MYOF: variants seen among roughly 807,000 people sequenced by gnomAD.
MYOF encodes the protein fer-1-like 3, myoferlin.
A neutral mutation model predicts 284.2 loss-of-function variants in MYOF; 244 were observed. The ratio of observed to expected loss-of-function variants is 0.86; its 90% CI spans 0.77 to 0.95. MYOF has a LOEUF of 0.95. MYOF is among the 40% of genes least tolerant of loss of function. The pLI is 0.00. For synonymous variants in MYOF, 904 were observed against 919.7 expected, an observed-to-expected ratio of 0.98 and a Z score of 0.31; for missense variants, 2,496 against 2,560.6, an observed-to-expected ratio of 0.97 and a Z score of 0.54.
chr10:93,344,625 T>C (rs1354061154), intron 37 of MYOF, among the ~76,000 whole-genome samples: 1 of 150,138 alleles, frequency 6.7e-6, no homozygotes, highest in Non-Finnish European at 1.5e-5. Context: ...GAGAAATATC[T>C]AATGTAGATA....
intron 9 of MYOF, 117 bp downstream of exon 9, chr10:93,403,906 T>G: frequency 9.1e-7 from 1 of 1,101,806 alleles, no homozygotes; most frequent in East Asian, 2.4e-5. Context: ...AGTGTCATCA[T>G]GCTGAACCCT....
At position 93,416,906 on chromosome 10, in the gene MYOF, G is replaced by A. The variant is rs994553782; in HGVS notation, c.434-7167C>T. Among the ~76,000 whole-genome samples, 3 of 152,106 alleles carry A rather than the reference G, an allele frequency of 2.0e-5. No individual in the cohort carries two copies. In the East Asian group the frequency reaches 5.8e-4, roughly 29 times the overall value. ...AGCCACTGCACCCGGCCATGACCAG[G>A]CCATTTTAATAGAATCATAGAACTT... On this transcript the variant is annotated intron_variant, in intron 5 of 53. Transcript: ENST00000359263.
intron 15 of MYOF, 141 bp from the exon 16 acceptor site, chr10:93,396,365 G>A (rs913563742): frequency 5.3e-6 from 3 of 567,762 alleles, no homozygotes; most frequent in Non-Finnish European, 8.8e-6. Flanking sequence ...CGTCTAGTGG[G>A]CCTCAAACTT....
At position 93,364,012 on chromosome 10, in the gene MYOF, G is replaced by T. The variant is rs751982838; in HGVS notation, c.2817C>A (p.Ser939Arg). 9.9e-6 allele frequency: 16 copies of T among 1,614,180 alleles called. No individual in the cohort carries two copies. The Middle Eastern group carries it at 4.9e-4, about 50-fold the overall frequency. Reference sequence around the variant, plus strand: ...GCTTCCAGTCGCCCCCGGGGTAGCGGCTCTCGTTCTGATAGACTTCATCAG... The same window carrying T: ...GCTTCCAGTCGCCCCCGGGGTAGCGTCTCTCGTTCTGATAGACTTCATCAG... ...EFTDEVYQNESRYPGGDWKPA... is the reference protein window; with the variant it reads ...EFTDEVYQNERRYPGGDWKPA... Residue 939 changes from serine (S) to arginine (R), a missense_variant, in exon 27 of 54, where the codon AGC (serine) becomes AGA (arginine). By Grantham distance (110) the Ser-to-Arg change is moderately radical. Coordinates refer to ENST00000359263, the MANE Select transcript of MYOF (RefSeq NM_013451.4).
intron 1 of MYOF, among the ~76,000 whole-genome samples, chr10:93,480,572 T>C (rs1302093825): frequency 6.8e-6 from 1 of 147,312 alleles, no homozygotes; most frequent in Non-Finnish European, 1.5e-5. Context: ...TCCTCCTGGG[T>C]TGAAGCAATC....
intron 52 of MYOF, 139 bp from the exon 53 acceptor site, chr10:93,310,306 A>G (rs1342367872): frequency 8.4e-7 from 1 of 1,192,524 alleles, no homozygotes; most frequent in African/African-American, 1.5e-5. Flanking sequence ...GTTGACTGAG[A>G]AAGGCTCTTT....
In MYOF at chr10:93,332,649, C is replaced by T. The variant is rs528987266; in HGVS notation, c.4811+572G>A. ...TCACAAGGTCAGGAGATTGAGACCA[C>T]CCTGGCTAACACGGTGAAACCCCGT... is the stretch of plus-strand genomic sequence containing the variant. On this transcript the variant is annotated intron_variant, in intron 43 of 53. Transcript: ENST00000359263. Among the ~76,000 whole-genome samples, 213 of 151,824 alleles carry T rather than the reference C, an allele frequency of 1.4e-3. 1 individual carries two copies. Among genetic ancestry groups the T allele is most frequent in the Middle Eastern group, 6.8e-3 (2 of 294 alleles).
At chr10:93,384,260 A>C (rs531684259) in intron 19 of MYOF, among the ~76,000 whole-genome samples, 26 of 152,326 alleles carry the variant, frequency 1.7e-4, no homozygotes, top group African/African-American at 6.0e-4. Context: ...GGGCACAAAG[A>C]GGTAGAGAGA....
intron 46 of MYOF, 26 bp from the exon 47 acceptor site, chr10:93,323,384 G>A (rs1169239912): frequency 6.3e-7 from 1 of 1,577,826 alleles, no homozygotes; most frequent in African/African-American, 1.4e-5. Flanking sequence ...ATGAAAAGAG[G>A]ACTGAAGTTA....
intron 25 of MYOF, among the ~76,000 whole-genome samples, chr10:93,369,260 T>TGTGC (rs1564656062): frequency 7.0e-6 from 1 of 143,326 alleles, no homozygotes; most frequent in African/African-American, 2.5e-5. Flanking sequence ...CCTGGGTTGG[T>TGTGC]GTGTGTGTGT....
chr10:93,404,014 G>T lies in MYOF; in HGVS notation c.843+9C>A. On this transcript the variant is annotated intron_variant, in intron 9 of 53. Coordinates refer to ENST00000359263, the MANE Select transcript of MYOF (RefSeq NM_013451.4). ...TGTAAGTTGAATGAAGCAGACTGTT[G>T]TCACTCACCTTAAATTCCCCCATCA... 1 of 1,613,194 alleles carries T rather than the reference G, an allele frequency of 6.2e-7. No homozygotes were observed. The highest frequency in any genetic ancestry group is 8.5e-7 in the Non-Finnish European group (1 of 1,179,160).
intron 7 of MYOF, among the ~76,000 whole-genome samples, chr10:93,408,276 G>A (rs1029245563): frequency 6.6e-5 from 10 of 152,116 alleles, no homozygotes; most frequent in Admixed American, 6.5e-5. Context: ...CTGGCCGGGC[G>A]CGGTGGCTCA....
chr10:93,363,129 G>A (rs1392806034), intron 27 of MYOF, among the ~76,000 whole-genome samples: 2 of 152,156 alleles, frequency 1.3e-5, no homozygotes, highest in Non-Finnish European at 2.9e-5. Flanking sequence ...AGATCTATAT[G>A]CATTGACATA....
At chr10:93,375,139 C>A (rs933019977) in intron 22 of MYOF, among the ~76,000 whole-genome samples, 184 bp from the exon 23 acceptor site, 1 of 152,214 alleles carries the variant, frequency 6.6e-6, no homozygotes, top group African/African-American at 2.4e-5. Context: ...CCAGAGCAGA[C>A]CTGCCGGTCT....
intron 4 of MYOF, among the ~76,000 whole-genome samples, chr10:93,427,530 CAAAAAA>C (rs11293315): frequency 4.9e-5 from 4 of 81,856 alleles, no homozygotes; most frequent in Non-Finnish European, 9.2e-5. Flanking sequence ...GACTCCGTCT[CAAAAAA>C]AAAAAAAAAA....
chr10:93,400,431 G>T (rs1039073039), intron 12 of MYOF, among the ~76,000 whole-genome samples: 1 of 150,900 alleles, frequency 6.6e-6, no homozygotes, highest in Non-Finnish European at 1.5e-5. Context: ...CTTCCAAAGT[G>T]CTGGGATTAT....
chr10:93,326,562 T>G (rs1222804316), intron 45 of MYOF, among the ~76,000 whole-genome samples: 2 of 152,230 alleles, frequency 1.3e-5, no homozygotes, highest in Non-Finnish European at 2.9e-5. Context: ...TAAACTTTTT[T>G]TGTGTTAGAA....
rs1433665717 is a variant in MYOF, at chr10:93,347,828, G to A, written c.4084-46C>T. On this transcript the variant is annotated intron_variant, in intron 36 of 53. Coordinates refer to ENST00000359263, the MANE Select transcript of MYOF (RefSeq NM_013451.4). ...TTTCATTTCTCAAGACCAGACGAGG[G>A]CAGCTTTGAGAAAAATTCCCCAGAT... 3 of 1,568,698 alleles carry A rather than the reference G, an allele frequency of 1.9e-6. No individual in the cohort carries two copies. In the African/African-American group the frequency reaches 4.1e-5, roughly 21 times the overall value.
chr10:93,363,664 A>T (rs1845180727), intron 27 of MYOF, among the ~76,000 whole-genome samples: 1 of 151,550 alleles, frequency 6.6e-6, no homozygotes, highest in African/African-American at 2.5e-5. Context: ...AGCCTATCTC[A>T]AAAAACCCTC....
Sources: allele counts gnomAD v4.1 joint callset (sites outside exome capture counted in the v4.1 genomes callset), GRCh38; gene constraint gnomAD v4.1.1; transcripts MANE v1.5; gene names NCBI Gene and HGNC (gene_info 2026-07-23, HGNC 2026-07-21).